The following SYT9 variants were observed in gnomAD, a reference collection of about 807,000 sequenced individuals.
SYT9 encodes synaptotagmin-9.
A neutral mutation model predicts 48.4 loss-of-function variants in SYT9; 22 were observed. The ratio of observed to expected loss-of-function variants is 0.45; its 90% CI spans 0.32 to 0.65. SYT9 has a LOEUF of 0.65. SYT9 is among the 30% of genes least tolerant of loss of function. The pLI is 0.03. For synonymous variants in SYT9, 265 were observed against 245.0 expected (o/e 1.08, Z -0.76); for missense variants, 577 against 622.0 (o/e 0.93, Z 0.77).
At chr11:7,400,912 C>T (rs1468341425) in intron 3 of SYT9, among the ~76,000 whole-genome samples, 1 of 152,128 alleles carries the variant, frequency 6.6e-6, no homozygotes, top group Non-Finnish European at 1.5e-5. Context: ...CTGCTGCTAT[C>T]TGTTGTTTAA....
intron 1 of SYT9, among the ~76,000 whole-genome samples, chr11:7,296,823 A>G (rs1007232042): frequency 3.9e-5 from 6 of 152,124 alleles, no homozygotes; most frequent in Admixed American, 2.0e-4. Context: ...TCTTAATACA[A>G]TGTTTCCTCA....
intron 3 of SYT9, among the ~76,000 whole-genome samples, chr11:7,403,716 T>C (rs1350342246): frequency 6.6e-6 from 1 of 152,186 alleles, no homozygotes; most frequent in Non-Finnish European, 1.5e-5. Context: ...ATGAAACCTG[T>C]TTTATAATTC....
chr11:7,369,794 A>ACACACACACACAC (rs1564879645), intron 3 of SYT9, among the ~76,000 whole-genome samples: 5 of 143,894 alleles, frequency 3.5e-5, no homozygotes, highest in Admixed American at 7.0e-5. Flanking sequence ...CACACACACA[A>ACACACACACACAC]ACACACACAC....
Position 7,316,607 on chromosome 11 carries a change from G to A in SYT9, c.1044+2666G>A, listed in dbSNP as rs562946711. 3.3e-5 allele frequency among the ~76,000 whole-genome samples: 5 copies of A among 152,250 alleles called. No homozygotes were observed. In the East Asian group the frequency reaches 9.6e-4, roughly 29 times the overall value. Reference sequence around the variant, plus strand: ...TTCTGAATAATATCGCAGAGATTTTGTACACATCTTTTGGTTCACATATGC... The same window carrying A: ...TTCTGAATAATATCGCAGAGATTTTATACACATCTTTTGGTTCACATATGC... On this transcript the variant is annotated intron_variant, in intron 3 of 6. Coordinates refer to ENST00000318881, the MANE Select transcript of SYT9 (RefSeq NM_175733.4).
At chr11:7,329,176 A>T (rs981396207) in intron 3 of SYT9, among the ~76,000 whole-genome samples, 4 of 152,130 alleles carry the variant, frequency 2.6e-5, no homozygotes, top group African/African-American at 9.7e-5. Context: ...ATCTCTTTAG[A>T]TATTTTAGAC....
chr11:7,272,315 A>G (rs1848312464), intron 1 of SYT9, among the ~76,000 whole-genome samples: 1 of 152,138 alleles, frequency 6.6e-6, no homozygotes, highest in African/African-American at 2.4e-5. Flanking sequence ...AATCGGCATA[A>G]CTGACTTCTG....
At chr11:7,400,739 T>G (rs998378338) in intron 3 of SYT9, among the ~76,000 whole-genome samples, 1 of 152,198 alleles carries the variant, frequency 6.6e-6, no homozygotes, top group Non-Finnish European at 1.5e-5. Flanking sequence ...TAAAAGCCAT[T>G]CTAGCAGAAT....
intron 3 of SYT9, among the ~76,000 whole-genome samples, chr11:7,316,068 GT>G (rs959742767): frequency 1.5e-5 from 2 of 137,050 alleles, no homozygotes; most frequent in South Asian, 2.5e-4. Flanking sequence ...GGGTTGTGGG[GT>G]TTTTTTTTGT....
At position 7,415,965 on chromosome 11, in the gene SYT9, G is replaced by C. The variant is rs1474674757; in HGVS notation, c.1045-77G>C. On this transcript the variant is annotated intron_variant, in intron 3 of 6. Coordinates refer to ENST00000318881, the MANE Select transcript of SYT9 (RefSeq NM_175733.4). ...AAAAGGGGCAGTGTGTTCCCTTTCA[G>C]TGTGGCCTGAAGCTGAGCCTCTTGC... is the stretch of plus-strand genomic sequence containing the variant. The C allele has an allele frequency of 3.8e-5, 61 of 1,586,868 alleles. No homozygotes were observed. The East Asian group carries it at 1.3e-3, about 34-fold the overall frequency.
chr11:7,271,856 A>G lies in SYT9; in HGVS notation c.145+19525A>G, dbSNP rs760886618. Among the ~76,000 whole-genome samples the G allele has an allele frequency of 3.1e-4, 47 of 152,258 alleles. 1 individual carries two copies. Among genetic ancestry groups the G allele is most frequent in the Non-Finnish European group, 5.7e-4 (39 of 68,028 alleles). The stretch of plus-strand genomic sequence containing the variant: ...CTCCCAAAGTGCTGGGATTATAGGC[A>G]TGAGCCACCGCACCTGGCCTGTGCT... On this transcript the variant is annotated intron_variant, in intron 1 of 6. Coordinates refer to ENST00000318881, the MANE Select transcript of SYT9 (RefSeq NM_175733.4).
chr11:7,351,981 G>T (rs190846244), intron 3 of SYT9, among the ~76,000 whole-genome samples: 2 of 152,288 alleles, frequency 1.3e-5, no homozygotes, highest in East Asian at 3.9e-4. Flanking sequence ...GAGTGGGAGG[G>T]CACAGAGGGA....
chr11:7,280,224 C>G (rs556882893), intron 1 of SYT9, among the ~76,000 whole-genome samples: 1 of 152,346 alleles, frequency 6.6e-6, no homozygotes, highest in African/African-American at 2.4e-5. Context: ...AATTGATTCT[C>G]ACAGAATGCT....
At chr11:7,355,666 G>A (rs1004951691) in intron 3 of SYT9, among the ~76,000 whole-genome samples, 4 of 152,180 alleles carry the variant, frequency 2.6e-5, no homozygotes, top group Admixed American at 1.3e-4. Flanking sequence ...ATGCTATTGC[G>A]AAGTGAAAGA....
chr11:7,280,176 A>G (rs751294253), intron 1 of SYT9, among the ~76,000 whole-genome samples: 7 of 152,396 alleles, frequency 4.6e-5, no homozygotes, highest in South Asian at 4.1e-4. Context: ...TGCACAATTC[A>G]TAATAAAATA....
chr11:7,259,756 A>G (rs527920034), intron 1 of SYT9, among the ~76,000 whole-genome samples: 2 of 152,182 alleles, frequency 1.3e-5, no homozygotes, highest in Admixed American at 1.3e-4. Flanking sequence ...TTTTTCTACC[A>G]ATTTCCATTA....
intron 3 of SYT9, among the ~76,000 whole-genome samples, chr11:7,412,032 A>G: frequency 6.6e-6 from 1 of 151,994 alleles, no homozygotes; most frequent in Middle Eastern, 3.2e-3. Context: ...TGAATTCTTC[A>G]GTTCCGGAAT....
At chr11:7,254,514 C>T (rs1168400893) in intron 1 of SYT9, among the ~76,000 whole-genome samples, 3 of 152,190 alleles carry the variant, frequency 2.0e-5, no homozygotes, top group Admixed American at 6.5e-5. Context: ...TCTTTAATCT[C>T]GGAACCCTAA....
Position 7,468,472 on chromosome 11 carries a change from G to A in SYT9, c.*1672G>A. On this transcript the variant is annotated 3_prime_UTR_variant, in exon 7 of 7. Transcript: ENST00000318881. ...TGTCTGATGACATAAGGAAAACTTG[G>A]CTTCCTCTGCTCAAGGTTCCCCTCT... is the stretch of plus-strand genomic sequence containing the variant. 1 of 395,746 alleles carries A rather than the reference G, an allele frequency of 2.5e-6. No homozygotes were observed. The highest frequency in any genetic ancestry group is 4.5e-6 in the Non-Finnish European group (1 of 224,636). The allele number at this position is 395,746 out of a possible 1,614,324, so 24.5% of individuals were successfully genotyped here.
At chr11:7,277,861 T>C (rs567717849) in intron 1 of SYT9, among the ~76,000 whole-genome samples, 2 of 152,366 alleles carry the variant, frequency 1.3e-5, no homozygotes, top group East Asian at 3.9e-4. Context: ...GTGCTAATGA[T>C]GCTGTAGACA....
Sources: allele counts gnomAD v4.1 joint callset (sites outside exome capture counted in the v4.1 genomes callset), GRCh38; gene constraint gnomAD v4.1.1; transcripts MANE v1.5; gene names NCBI Gene and HGNC (gene_info 2026-07-23, HGNC 2026-07-21).